TENM3: variants seen among roughly 807,000 people sequenced by gnomAD.
TENM3 encodes teneurin-3.
TENM3 carries 63 observed loss-of-function variants against 255.1 expected under a neutral mutation model. The ratio of observed to expected loss-of-function variants is 0.25; its 90% confidence interval spans 0.20 to 0.30. The LOEUF is 0.30. Among genes scored for constraint, TENM3 ranks in the 10% least tolerant of loss-of-function variants. TENM3 has a pLI of 1.00. For missense variants in TENM3, 2,929 were observed against 3,461.1 expected, an observed-to-expected ratio of 0.85 and a Z score of 3.86; for synonymous variants, 1,306 against 1,322.3, an observed-to-expected ratio of 0.99 and a Z score of 0.27.
chr4:181,990,210 T>C, the TENM3 span, among the ~76,000 whole-genome samples: 4 of 152,106 alleles, frequency 2.6e-5, no homozygotes, highest in Non-Finnish European at 5.9e-5. Flanking sequence ...CCTAATCACA[T>C]GTTATAATTA....
At chr4:182,618,655 G>A (rs1749775487) in intron 4 of TENM3, among the ~76,000 whole-genome samples, 1 of 151,002 alleles carries the variant, frequency 6.6e-6, no homozygotes, top group African/African-American at 2.4e-5. Flanking sequence ...ATTATAAGAA[G>A]CAATTGTAAG....
chr4:181,629,542 T>G, the TENM3 span, among the ~76,000 whole-genome samples: 1 of 152,220 alleles, frequency 6.6e-6, no homozygotes, highest in Non-Finnish European at 1.5e-5. Flanking sequence ...GTTTTTAGCA[T>G]GAAGGGCTGT....
chr4:181,613,785 C>T, the TENM3 span, among the ~76,000 whole-genome samples: 1 of 152,166 alleles, frequency 6.6e-6, no homozygotes, highest in African/African-American at 2.4e-5. Context: ...TAAGACCAAA[C>T]CTATTTTCAC....
intron 3 of TENM3, among the ~76,000 whole-genome samples, chr4:182,435,998 G>A (rs1200492309): frequency 1.3e-5 from 2 of 151,904 alleles, no homozygotes; most frequent in East Asian, 3.9e-4. Context: ...AGGAAAAATA[G>A]TGCTTTTTTT....
chr4:181,893,498 C>G, the TENM3 span, among the ~76,000 whole-genome samples: 3 of 100,514 alleles, frequency 3.0e-5, no homozygotes, highest in South Asian at 4.6e-4. Flanking sequence ...CCCACCCCCC[C>G]CCCACCCCCA....
At chr4:181,544,865 TAG>T in the TENM3 span, among the ~76,000 whole-genome samples, 1 of 152,196 alleles carries the variant, frequency 6.6e-6, no homozygotes, top group Non-Finnish European at 1.5e-5. Context: ...TGGGTCTTCA[TAG>T]AGAGGGAATT....
At chr4:181,827,844 T>C in the TENM3 span, among the ~76,000 whole-genome samples, 4 of 152,186 alleles carry the variant, frequency 2.6e-5, no homozygotes, top group Non-Finnish European at 5.9e-5. Context: ...ACTGACAGGC[T>C]GTTTTCATGT....
the TENM3 span, among the ~76,000 whole-genome samples, chr4:182,022,231 G>A: frequency 1.3e-5 from 2 of 151,888 alleles, no homozygotes; most frequent in Admixed American, 6.6e-5. Context: ...CAAACAGAAT[G>A]AAATTATGTC....
chr4:181,652,629 T>C, the TENM3 span, among the ~76,000 whole-genome samples: 775 of 152,350 alleles, frequency 5.1e-3, 10 homozygotes, highest in African/African-American at 0.018. Context: ...GCATCCTGAC[T>C]GTGTCCAGTG....
chr4:182,311,818 C>T lies in TENM3; in HGVS notation c.-75-12128C>T, dbSNP rs535407832. On this transcript the variant is annotated intron_variant, in intron 1 of 27. Transcript: ENST00000511685. ...TGAGCTCTTCATTGAAGAAGCTCCC[C>T]CAGTGGCACACAGACTTCCCAACTA... Among the ~76,000 whole-genome samples, 226 of 152,278 alleles carry T rather than the reference C, an allele frequency of 1.5e-3. 1 individual carries two copies. Among genetic ancestry groups the T allele is most frequent in the African/African-American group, 5.3e-3 (220 of 41,558 alleles).
At chr4:181,720,743 G>A in the TENM3 span, among the ~76,000 whole-genome samples, 1 of 152,052 alleles carries the variant, frequency 6.6e-6, no homozygotes, top group African/African-American at 2.4e-5. Flanking sequence ...ACAGCCAAAA[G>A]TTATTCAATG....
chr4:182,323,783 T>C (rs544719969), intron 1 of TENM3, among the ~76,000 whole-genome samples, 163 bp from the exon 2 acceptor site: 1 of 152,326 alleles, frequency 6.6e-6, no homozygotes, highest in South Asian at 2.1e-4. Flanking sequence ...GGTGATACAA[T>C]GTATTTTACA....
the TENM3 span, among the ~76,000 whole-genome samples, chr4:181,918,137 G>A: frequency 6.6e-6 from 1 of 152,096 alleles, no homozygotes; most frequent in Admixed American, 6.6e-5. Flanking sequence ...TTATTTGTGG[G>A]TGAAAGTTAT....
intron 4 of TENM3, among the ~76,000 whole-genome samples, chr4:182,612,404 C>G (rs56221446): frequency 0.2 from 30,486 of 152,156 alleles, 3,668 homozygotes; most frequent in Non-Finnish European, 0.27. Context: ...GTCAACTCCT[C>G]TTCTCCTTTT....
chr4:181,956,829 A>G, the TENM3 span, among the ~76,000 whole-genome samples: 1 of 152,302 alleles, frequency 6.6e-6, no homozygotes, highest in East Asian at 1.9e-4. Flanking sequence ...ATTTATCTGG[A>G]CTACATATGA....
intron 3 of TENM3, among the ~76,000 whole-genome samples, chr4:182,537,123 A>C (rs1740409200): frequency 6.6e-6 from 1 of 152,174 alleles, no homozygotes; most frequent in Admixed American, 6.5e-5. Context: ...AGCTCTGATA[A>C]TATCTGCCAT....
the TENM3 span, among the ~76,000 whole-genome samples, chr4:181,533,752 T>C: frequency 2.6e-5 from 4 of 151,170 alleles, no homozygotes; most frequent in Non-Finnish European, 5.9e-5. Flanking sequence ...AAAAAAAAAC[T>C]TTCATTAGTT....
At chr4:181,763,560 A>C in the TENM3 span, among the ~76,000 whole-genome samples, 1 of 152,238 alleles carries the variant, frequency 6.6e-6, no homozygotes, top group East Asian at 1.9e-4. Flanking sequence ...AAGTTCTATC[A>C]TTCATAAATA....
the TENM3 span, among the ~76,000 whole-genome samples, chr4:181,831,256 T>A: frequency 6.6e-6 from 1 of 152,112 alleles, no homozygotes; most frequent in Admixed American, 6.6e-5. Context: ...CATTTAAAGA[T>A]TGCAAAAAAT....
Sources: gnomAD v4.1 joint callset for allele counts (sites outside exome capture counted in the v4.1 genomes callset) on GRCh38, gnomAD v4.1.1 for gene constraint, MANE v1.5 for transcripts, NCBI Gene and HGNC (gene_info 2026-07-23, HGNC 2026-07-21) for gene names.